The following NDFIP1 variants were observed in gnomAD, a reference collection of about 807,000 sequenced individuals.
NDFIP1 encodes NEDD4 family-interacting protein 1.
NDFIP1 carries 7 observed loss-of-function variants against 28.8 expected under a neutral mutation model. That is an observed-to-expected ratio of 0.24 (90% CI 0.14 to 0.46). NDFIP1 has a LOEUF of 0.46. Among genes scored for constraint, NDFIP1 ranks in the 20% least tolerant of loss-of-function variants. NDFIP1 has a pLI of 0.99. For synonymous variants in NDFIP1, 92 were observed against 101.0 expected (o/e 0.91, Z 0.53); for missense variants, 194 against 269.1 (o/e 0.72, Z 1.95).
chr5:142,135,190 G>A (rs1057290209), intron 3 of NDFIP1, among the ~76,000 whole-genome samples: 3 of 152,008 alleles, frequency 2.0e-5, no homozygotes, highest in African/African-American at 2.4e-5. Flanking sequence ...ATGTTAGCCA[G>A]GATGGTCTCG....
intron 7 of NDFIP1, among the ~76,000 whole-genome samples, chr5:142,148,807 A>G (rs1008303465): frequency 6.6e-6 from 1 of 151,348 alleles, no homozygotes; most frequent in African/African-American, 2.4e-5. Context: ...GAAGAAACAG[A>G]TACCTGTTAT....
intron 1 of NDFIP1, among the ~76,000 whole-genome samples, chr5:142,125,357 T>C (rs1458084932): frequency 6.6e-6 from 1 of 152,192 alleles, no homozygotes; most frequent in Non-Finnish European, 1.5e-5. Flanking sequence ...TTGATGTTAA[T>C]ATAAATCTGT....
intron 1 of NDFIP1, among the ~76,000 whole-genome samples, chr5:142,118,122 T>C (rs1295781461): frequency 6.6e-6 from 1 of 152,208 alleles, no homozygotes; most frequent in Non-Finnish European, 1.5e-5. Context: ...TAGCATCTTA[T>C]ATCAGTATGG....
chr5:142,135,708 A>G (rs747172384), intron 3 of NDFIP1, 22 bp from the exon 4 acceptor site: 7 of 1,603,708 alleles, frequency 4.4e-6, no homozygotes, highest in Middle Eastern at 1.7e-4. Context: ...GCCTAGAAAT[A>G]ATTCTTTTTC....
At chr5:142,120,117 A>G (rs1229124874) in intron 1 of NDFIP1, among the ~76,000 whole-genome samples, 2 of 152,068 alleles carry the variant, frequency 1.3e-5, no homozygotes, top group Non-Finnish European at 2.9e-5. Flanking sequence ...CACAATGTCC[A>G]GCTAATTCTT....
chr5:142,127,306 A>G (rs142499969), intron 1 of NDFIP1, among the ~76,000 whole-genome samples: 1 of 152,270 alleles, frequency 6.6e-6, no homozygotes, highest in East Asian at 1.9e-4. Flanking sequence ...GTGACTTGAG[A>G]ACAAAACCTT....
At position 142,154,275 on chromosome 5, in the gene NDFIP1, C is replaced by G. The variant is rs1056563702; in HGVS notation, c.*2547C>G. The G allele has an allele frequency of 6.6e-6, 1 of 152,312 alleles. No homozygotes were observed. The highest frequency in any genetic ancestry group is 1.5e-5 in the Non-Finnish European group (1 of 68,034). 9.4% of individuals were successfully genotyped at this position (152,312 alleles called of 1,614,324 possible). A position where few individuals can be genotyped will look rare whatever the true frequency, so the allele number is the denominator to read the frequency against. On this transcript the variant is annotated 3_prime_UTR_variant, in exon 8 of 8. Coordinates refer to ENST00000253814, the MANE Select transcript of NDFIP1 (RefSeq NM_030571.4). ...CTTGGGCTGCAGGACGACTAGGATT[C>G]ACCCATAACGACACAGTGCCCTATG...
intron 1 of NDFIP1, among the ~76,000 whole-genome samples, chr5:142,111,346 A>G (rs1056113924): frequency 4.6e-5 from 7 of 151,988 alleles, no homozygotes; most frequent in Non-Finnish European, 1.5e-5. Context: ...TCTGCATGGC[A>G]TGTAATTGTA....
At chr5:142,117,989 CCTCCCAAGTAGCTGGG>C (rs779627207) in intron 1 of NDFIP1, among the ~76,000 whole-genome samples, 3 of 152,088 alleles carry the variant, frequency 2.0e-5, no homozygotes, top group Non-Finnish European at 4.4e-5. Flanking sequence ...CCCCCACTGA[CCTCCCAAGTAGCTGGG>C]ACCACAGGCA....
At position 142,127,347 on chromosome 5, in the gene NDFIP1, T is replaced by C. The variant is rs1757180515; in HGVS notation, c.64-4461T>C. Among the ~76,000 whole-genome samples, 4 of 152,124 alleles carry C rather than the reference T, an allele frequency of 2.6e-5. No individual in the cohort carries two copies. In the South Asian group the frequency reaches 8.3e-4, roughly 32 times the overall value. On this transcript the variant is annotated intron_variant, in intron 1 of 7. Coordinates refer to ENST00000253814, the MANE Select transcript of NDFIP1 (RefSeq NM_030571.4). ...CACCTATTTGTAAATAAATGTTTTC[T>C]TAAAATTGAAGGTCATCAAGGCCAA...
chr5:142,117,268 G>T (rs557210512), intron 1 of NDFIP1, among the ~76,000 whole-genome samples: 29 of 148,140 alleles, frequency 2.0e-4, no homozygotes, highest in African/African-American at 7.2e-4. Context: ...TTTTTGAGAC[G>T]GAGTCTCACT....
intron 1 of NDFIP1, among the ~76,000 whole-genome samples, chr5:142,110,414 T>C (rs1008752699): frequency 4.6e-5 from 7 of 152,188 alleles, no homozygotes; most frequent in African/African-American, 1.7e-4. Flanking sequence ...GTCATCTGAT[T>C]TCATCCTTTT....
chr5:142,145,967 T>C (rs1366445721), intron 7 of NDFIP1, among the ~76,000 whole-genome samples: 2 of 152,220 alleles, frequency 1.3e-5, no homozygotes, highest in Non-Finnish European at 2.9e-5. Flanking sequence ...ATAAAGCATC[T>C]ACCATAGTTG....
At chr5:142,145,663 GC>G (rs2126923408) in intron 7 of NDFIP1, among the ~76,000 whole-genome samples, 1 of 152,234 alleles carries the variant, frequency 6.6e-6, no homozygotes, top group East Asian at 1.9e-4. Flanking sequence ...GAAGTATGGG[GC>G]TTGTTCAGAG....
chr5:142,109,484 C>A (rs923280164), intron 1 of NDFIP1, among the ~76,000 whole-genome samples: 1 of 152,208 alleles, frequency 6.6e-6, no homozygotes, highest in Non-Finnish European at 1.5e-5. Flanking sequence ...CAGCAAGATG[C>A]TATTGCTCAG....
intron 7 of NDFIP1, among the ~76,000 whole-genome samples, chr5:142,148,488 C>T (rs1338040555): frequency 2.6e-5 from 4 of 152,050 alleles, no homozygotes; most frequent in Non-Finnish European, 4.4e-5. Flanking sequence ...CAGTGGCTCA[C>T]GCCTGTAATC....
chr5:142,135,841 C>G, intron 4 of NDFIP1, 24 bp downstream of exon 4: 1 of 1,535,846 alleles, frequency 6.5e-7, no homozygotes, highest in Non-Finnish European at 9.0e-7. Context: ...CATATCAGAA[C>G]CACCCCCTAC....
intron 1 of NDFIP1, among the ~76,000 whole-genome samples, chr5:142,125,095 G>C (rs1158599611): frequency 6.6e-6 from 1 of 152,082 alleles, no homozygotes; most frequent in Non-Finnish European, 1.5e-5. Context: ...CAAAGTGCTG[G>C]GATTACCCAC....
Position 142,144,421 on chromosome 5 carries a change from A to G in NDFIP1, c.563-150A>G. ...GAAGGATGGATAATTTGGTATGAAAATCCTCTGCAGATTCTGGAGGAAATT... is the reference window on the plus strand; with the variant it reads ...GAAGGATGGATAATTTGGTATGAAAGTCCTCTGCAGATTCTGGAGGAAATT... On this transcript the variant is annotated intron_variant, in intron 6 of 7. Transcript: ENST00000253814. 8.1e-6 allele frequency: 5 copies of G among 615,714 alleles called. No individual in the cohort carries two copies. In the South Asian group the frequency reaches 1.1e-4, roughly 13 times the overall value. 38.1% of individuals were successfully genotyped at this position (615,714 alleles called of 1,614,324 possible).
Sources: allele counts gnomAD v4.1 joint callset (sites outside exome capture counted in the v4.1 genomes callset), GRCh38; gene constraint gnomAD v4.1.1; transcripts MANE v1.5; gene names NCBI Gene and HGNC (gene_info 2026-07-23, HGNC 2026-07-21).